PCDH9: variants seen among roughly 807,000 people sequenced by gnomAD.
PCDH9 encodes protocadherin-9.
In PCDH9, 24 loss-of-function variants were observed where a neutral mutation model predicts 70.6. That is an observed-to-expected ratio of 0.34 (90% CI 0.25 to 0.48). The LOEUF (loss-of-function observed/expected upper bound fraction) is 0.48. Ranked by LOEUF, PCDH9 falls within the 20% of genes least tolerant of loss-of-function variation. PCDH9 has a pLI of 0.99. For missense variants in PCDH9, 1,281 were observed against 1,503.6 expected (o/e 0.85, Z 2.45); for synonymous variants, 562 against 558.5 (o/e 1.01, Z -0.09).
intron 3 of PCDH9, among the ~76,000 whole-genome samples, chr13:66,805,178 A>G (rs1221429451): frequency 6.6e-6 from 1 of 152,220 alleles, no homozygotes; most frequent in East Asian, 1.9e-4. Context: ...AATGTTACAT[A>G]AAGTAAATAG....
chr13:66,401,416 G>T (rs1180737310), intron 4 of PCDH9, among the ~76,000 whole-genome samples: 1 of 151,272 alleles, frequency 6.6e-6, no homozygotes, highest in Non-Finnish European at 1.5e-5. Flanking sequence ...GTACATATTT[G>T]CTTCCCCTTC....
chr13:66,700,923 A>AACATATATATAT (rs1425269335), intron 3 of PCDH9, among the ~76,000 whole-genome samples: 10 of 58,450 alleles, frequency 1.7e-4, no homozygotes, highest in Non-Finnish European at 2.9e-4. Flanking sequence ...TGTACATATA[A>AACATATATATAT]ATATATATAT....
At chr13:66,695,252 G>A (rs1593907797) in intron 3 of PCDH9, among the ~76,000 whole-genome samples, 1 of 152,122 alleles carries the variant, frequency 6.6e-6, no homozygotes. Flanking sequence ...GTTTAAATAT[G>A]GGAGTCAAAA....
chr13:66,420,081 C>T (rs887861936), intron 4 of PCDH9, among the ~76,000 whole-genome samples: 1 of 152,138 alleles, frequency 6.6e-6, no homozygotes, highest in Admixed American at 6.5e-5. Context: ...GCAGAGCCCA[C>T]CACGGTGCCA....
intron 3 of PCDH9, among the ~76,000 whole-genome samples, chr13:66,728,838 C>T (rs1039458984): frequency 1.3e-5 from 2 of 151,910 alleles, no homozygotes; most frequent in Non-Finnish European, 2.9e-5. Context: ...CTATTTTCTG[C>T]TCTTCTTTTT....
At chr13:66,964,614 T>TA (rs879649336) in intron 2 of PCDH9, among the ~76,000 whole-genome samples, 1,637 of 145,326 alleles carry the variant, frequency 0.011, 35 homozygotes, top group African/African-American at 0.037. Flanking sequence ...GGGCAAAATG[T>TA]AAAAAAAAAA....
At chr13:67,028,603 A>T (rs1311584397) in intron 2 of PCDH9, among the ~76,000 whole-genome samples, 1 of 151,966 alleles carries the variant, frequency 6.6e-6, no homozygotes, top group Non-Finnish European at 1.5e-5. Flanking sequence ...TAAAGTGTAC[A>T]CATCAAGAAA....
intron 4 of PCDH9, among the ~76,000 whole-genome samples, chr13:66,312,597 C>A (rs974982858): frequency 7.7e-6 from 1 of 129,972 alleles, no homozygotes; most frequent in South Asian, 2.7e-4. Flanking sequence ...GGAGATAGAG[C>A]GAGATCCTGC....
At chr13:66,484,825 T>G (rs1322491804) in intron 4 of PCDH9, among the ~76,000 whole-genome samples, 1 of 152,210 alleles carries the variant, frequency 6.6e-6, no homozygotes, top group African/African-American at 2.4e-5. Flanking sequence ...ATAAAGATAA[T>G]TATGTGCATA....
At chr13:66,548,749 A>C (rs2138674716) in intron 4 of PCDH9, among the ~76,000 whole-genome samples, 1 of 152,268 alleles carries the variant, frequency 6.6e-6, no homozygotes. Context: ...AGCTTTTCAA[A>C]GGTAATTCTA....
chr13:66,338,285 A>G (rs187723363), intron 4 of PCDH9, among the ~76,000 whole-genome samples: 2 of 152,146 alleles, frequency 1.3e-5, no homozygotes, highest in East Asian at 3.9e-4. Flanking sequence ...TATTACAACA[A>G]TCCTTCCTGA....
intron 2 of PCDH9, among the ~76,000 whole-genome samples, chr13:67,089,739 T>C (rs535117436): frequency 1.3e-5 from 2 of 152,054 alleles, no homozygotes; most frequent in African/African-American, 2.4e-5. Flanking sequence ...CTCTAGAACA[T>C]GAAATTTTTC....
intron 2 of PCDH9, among the ~76,000 whole-genome samples, chr13:66,913,050 T>C (rs1462092744): frequency 6.6e-6 from 1 of 152,088 alleles, no homozygotes; most frequent in Non-Finnish European, 1.5e-5. Flanking sequence ...AATCAGGTAA[T>C]AAATTCGGAG....
chr13:66,629,584 T>C (rs1279394275), intron 4 of PCDH9, among the ~76,000 whole-genome samples: 1 of 152,180 alleles, frequency 6.6e-6, no homozygotes, highest in Non-Finnish European at 1.5e-5. Context: ...TTCAGTGTAA[T>C]AATAAGAGGT....
rs189807112 is a variant in PCDH9, at chr13:66,935,130, G to T, written c.3037-31525C>A. 6.6e-5 allele frequency among the ~76,000 whole-genome samples: 10 copies of T among 152,056 alleles called. No homozygotes were observed. The East Asian group carries it at 1.7e-3, about 27-fold the overall frequency. On this transcript the variant is annotated intron_variant, in intron 2 of 4. Transcript: ENST00000377865. Reference sequence around the variant, plus strand: ...AGGCTAAAGTGCAGTGGCGCATCACGATTCACTGCAGCCTCGACACCCGGG... The same window carrying T: ...AGGCTAAAGTGCAGTGGCGCATCACTATTCACTGCAGCCTCGACACCCGGG...
chr13:66,546,319 G>A (rs928884318), intron 4 of PCDH9, among the ~76,000 whole-genome samples: 1 of 152,074 alleles, frequency 6.6e-6, no homozygotes, highest in African/African-American at 2.4e-5. Context: ...TGTGGAGGTG[G>A]AAGACAGTGA....
chr13:67,164,305 G>A (rs1196607382), intron 2 of PCDH9, among the ~76,000 whole-genome samples: 7 of 152,058 alleles, frequency 4.6e-5, no homozygotes, highest in South Asian at 2.1e-4. Flanking sequence ...CGCCGGGCGC[G>A]GTGGCCCATG....
intron 4 of PCDH9, among the ~76,000 whole-genome samples, chr13:66,404,719 T>G (rs1320644680): frequency 1.3e-5 from 2 of 152,148 alleles, no homozygotes; most frequent in Non-Finnish European, 2.9e-5. Flanking sequence ...TAGTGCATTT[T>G]TGGAGGGAGA....
intron 4 of PCDH9, among the ~76,000 whole-genome samples, chr13:66,482,476 G>A (rs963563737): frequency 6.6e-6 from 1 of 152,150 alleles, no homozygotes; most frequent in African/African-American, 2.4e-5. Context: ...ACCACCCTTA[G>A]CTGCAGGAAA....
Sources: gnomAD v4.1 joint callset for allele counts (sites outside exome capture counted in the v4.1 genomes callset) on GRCh38, gnomAD v4.1.1 for gene constraint, MANE v1.5 for transcripts, NCBI Gene and HGNC (gene_info 2026-07-23, HGNC 2026-07-21) for gene names.